Variants in MOB1A observed in about 807,000 individuals in gnomAD.
MOB1A encodes MOB1 Mps One Binder homolog A.
MOB1A carries 10 observed loss-of-function variants against 25.1 expected under a neutral mutation model. The ratio of observed to expected loss-of-function variants is 0.40; its 90% CI spans 0.25 to 0.68. The LOEUF (loss-of-function observed/expected upper bound fraction) is 0.68, where lower values mean the gene tolerates loss of function less well. Among genes scored for constraint, MOB1A ranks in the 30% least tolerant of loss-of-function variants. The pLI, the probability that MOB1A is intolerant of heterozygous loss-of-function variation, is 0.40. For missense variants in MOB1A, 177 were observed against 256.3 expected (o/e 0.69, Z 2.11); for synonymous variants, 81 against 79.5 (o/e 1.02, Z -0.10).
At position 74,158,977 on chromosome 2, in the gene MOB1A, G is replaced by T. The variant is rs529311300; in HGVS notation, c.573+114C>A. ...AAAGAGAACAAAACAGAAAAGAGAA[G>T]CTTGCCTGTAATTGGCTCTACATCT... is the stretch of plus-strand genomic sequence containing the variant. On this transcript the variant is annotated intron_variant, in intron 5 of 5. Transcript: ENST00000396049. 1.3e-3 allele frequency: 1,288 copies of T among 976,320 alleles called. 2 individuals are homozygous for T. Among genetic ancestry groups the T allele is most frequent in the Non-Finnish European group, 1.8e-3 (1,155 of 640,952 alleles). 60.5% of individuals were successfully genotyped at this position (976,320 alleles called of 1,614,324 possible).
Position 74,177,203 on chromosome 2 carries a change from C to T in MOB1A, c.14+1458G>A, listed in dbSNP as rs1328688444. Among the ~76,000 whole-genome samples the T allele has an allele frequency of 3.3e-5, 5 of 152,062 alleles. No homozygotes were observed. In the South Asian group the frequency reaches 8.3e-4, roughly 25 times the overall value. On this transcript the variant is annotated intron_variant, in intron 1 of 5. Transcript: ENST00000396049. ...TGGCCGGCGCCTGTAATCCCAGCTA[C>T]TCGGGAGTGTGAGGCAGGAGAGTCG...
At chr2:74,157,296 G>C (rs922808324) in intron 5 of MOB1A, among the ~76,000 whole-genome samples, 1 of 151,998 alleles carries the variant, frequency 6.6e-6, no homozygotes, top group Non-Finnish European at 1.5e-5. Flanking sequence ...AGCTGAACAC[G>C]TGGAGGTTCC....
intron 1 of MOB1A, among the ~76,000 whole-genome samples, chr2:74,176,496 G>A (rs1474750615): frequency 6.6e-6 from 1 of 151,964 alleles, no homozygotes; most frequent in African/African-American, 2.4e-5. Flanking sequence ...CGGGCGCAGT[G>A]GCTCACGCGT....
intron 5 of MOB1A, 140 bp downstream of exon 5, chr2:74,158,950 GA>G: frequency 1.1e-6 from 1 of 873,620 alleles, no homozygotes. Context: ...AAATAATGTG[GA>G]AAAGAGAACA....
intron 2 of MOB1A, among the ~76,000 whole-genome samples, chr2:74,168,242 G>A (rs1240901268): frequency 2.6e-5 from 4 of 152,220 alleles, no homozygotes; most frequent in Non-Finnish European, 5.9e-5. Context: ...GAAGTAGTCA[G>A]GGGGTACTTC....
At chr2:74,167,374 T>C (rs1693161080) in intron 2 of MOB1A, among the ~76,000 whole-genome samples, 1 of 152,154 alleles carries the variant, frequency 6.6e-6, no homozygotes, top group Non-Finnish European at 1.5e-5. Context: ...GCCTCCCAAG[T>C]AGTTCGGATT....
At position 74,154,920 on chromosome 2, in the gene MOB1A, G is replaced by A. The variant is rs1435979260; in HGVS notation, c.*1648C>T. The A allele has an allele frequency of 6.6e-6, 1 of 152,018 alleles. No homozygotes were observed. The highest frequency in any genetic ancestry group is 1.5e-5 in the Non-Finnish European group (1 of 67,996). The allele number at this position is 152,018 out of a possible 1,614,324, so 9.4% of individuals were successfully genotyped here. On this transcript the variant is annotated 3_prime_UTR_variant, in exon 6 of 6. Transcript: ENST00000396049. ...TATGTGGATGCTAACTAAATCAGAT[G>A]AAATGTTTTCTTTAAAATTCTGTAT...
intron 1 of MOB1A, among the ~76,000 whole-genome samples, chr2:74,175,020 A>G (rs2103747326): frequency 6.6e-6 from 1 of 152,332 alleles, no homozygotes; most frequent in South Asian, 2.1e-4. Flanking sequence ...ACAGAAGGAG[A>G]TGAGCAGTGA....
chr2:74,160,546 CA>C (rs1423057190), intron 4 of MOB1A, among the ~76,000 whole-genome samples: 1 of 151,944 alleles, frequency 6.6e-6, no homozygotes, highest in Non-Finnish European at 1.5e-5. Flanking sequence ...ACTAAAAATA[CA>C]AAAATTAGCC....
intron 4 of MOB1A, chr2:74,164,026 C>T (rs1693055782): frequency 6.6e-6 from 1 of 152,116 alleles, no homozygotes; most frequent in Non-Finnish European, 1.5e-5. Context: ...AAGATGCTAA[C>T]AGATGCAGAG....
At chr2:74,172,483 T>C (rs1323035017) in intron 2 of MOB1A, 103 bp downstream of exon 2, 1 of 1,080,950 alleles carries the variant, frequency 9.3e-7, no homozygotes, top group Non-Finnish European at 1.3e-6. Context: ...TTACAGATAA[T>C]TTGTTATATT....
intron 4 of MOB1A, 96 bp from the exon 5 acceptor site, chr2:74,159,350 G>T: frequency 8.9e-7 from 1 of 1,126,514 alleles, no homozygotes; most frequent in Non-Finnish European, 1.3e-6. Context: ...CTCAGGCAGT[G>T]GTGCAATCTC....
intron 2 of MOB1A, among the ~76,000 whole-genome samples, chr2:74,172,124 C>A (rs1011322422): frequency 2.0e-5 from 3 of 152,146 alleles, no homozygotes; most frequent in South Asian, 2.1e-4. Context: ...CAGATCCCTC[C>A]ATTTTCTCCC....
At position 74,155,067 on chromosome 2, in the gene MOB1A, A is replaced by G. The variant is rs1465853586; in HGVS notation, c.*1501T>C. 6.6e-6 allele frequency: 1 copy of G among 152,222 alleles called. No homozygotes were observed. Among genetic ancestry groups the G allele is most frequent in the Non-Finnish European group, 1.5e-5 (1 of 68,040 alleles). The allele number at this position is 152,222 out of a possible 1,614,324, so 9.4% of individuals were successfully genotyped here. ...AAAAACATCAAATCTAACCTTTATCAAAGCCATCGAGGAGGTTGGTAAAAT... is the reference window on the plus strand; with the variant it reads ...AAAAACATCAAATCTAACCTTTATCGAAGCCATCGAGGAGGTTGGTAAAAT... On this transcript the variant is annotated 3_prime_UTR_variant, in exon 6 of 6. Transcript: ENST00000396049.
chr2:74,174,679 GAC>G (rs1396350366), intron 1 of MOB1A, among the ~76,000 whole-genome samples: 4 of 152,130 alleles, frequency 2.6e-5, no homozygotes, highest in African/African-American at 9.7e-5. Flanking sequence ...AGAAAAAGTG[GAC>G]AGATTTCAAA....
intron 5 of MOB1A, 63 bp from the exon 6 acceptor site, chr2:74,156,708 T>G: frequency 8.3e-7 from 1 of 1,206,290 alleles, no homozygotes; most frequent in South Asian, 1.4e-5. Context: ...GTAAATGTCT[T>G]TTGGAGAAGG....
rs961916355 is a variant in MOB1A at position 74,155,549 on chromosome 2, T to C, written c.*1019A>G. The stretch of plus-strand genomic sequence containing the variant: ...TCCTTAAGTTTTATCCTTATTAGGA[T>C]GAAGTTCATGCATTTCTACACTACT... On this transcript the variant is annotated 3_prime_UTR_variant, in exon 6 of 6. Transcript: ENST00000396049. The C allele has an allele frequency of 3.3e-5, 5 of 152,672 alleles. No homozygotes were observed. The highest frequency in any genetic ancestry group is 7.4e-5 in the Non-Finnish European group (5 of 67,972). The allele number at this position is 152,672 out of a possible 1,614,324, so 9.5% of individuals were successfully genotyped here.
chr2:74,166,795 C>T (rs1193018819), intron 3 of MOB1A, among the ~76,000 whole-genome samples: 2 of 152,206 alleles, frequency 1.3e-5, no homozygotes, highest in Non-Finnish European at 2.9e-5. Context: ...CAGGATCACA[C>T]ACTGCAATCC....
At chr2:74,176,858 C>T (rs376999872) in intron 1 of MOB1A, among the ~76,000 whole-genome samples, 1 of 151,860 alleles carries the variant, frequency 6.6e-6, no homozygotes, top group South Asian at 2.1e-4. Flanking sequence ...AATGGTGCAG[C>T]ACTTTGAAGT....
Sources: allele counts gnomAD v4.1 joint callset (sites outside exome capture counted in the v4.1 genomes callset), GRCh38; gene constraint gnomAD v4.1.1; transcripts MANE v1.5; gene names NCBI Gene and HGNC (gene_info 2026-07-23, HGNC 2026-07-21).